Variants in RIT2 observed in about 807,000 individuals in gnomAD.
RIT2 encodes GTP-binding protein Rit2.
In RIT2, 24 loss-of-function variants were observed where a neutral mutation model predicts 23.7. The observed-to-expected ratio is 1.01, with a 90% CI of 0.73 to 1.43. The LOEUF is 1.43. Ranked by LOEUF, RIT2 falls within the 40% of genes most tolerant of loss-of-function variation. The pLI, the probability that RIT2 is intolerant of heterozygous loss-of-function variation, is 0.00. For missense variants in RIT2, 236 were observed against 266.9 expected, an observed-to-expected ratio of 0.88 and a Z score of 0.81; for synonymous variants, 107 against 91.1, an observed-to-expected ratio of 1.17 and a Z score of -0.99.
intron 1 of RIT2, among the ~76,000 whole-genome samples, chr18:43,070,760 T>C (rs1391304432): frequency 6.6e-6 from 1 of 152,212 alleles, no homozygotes; most frequent in African/African-American, 2.4e-5. Flanking sequence ...AGCAACCATC[T>C]TATAGAATGA....
intron 4 of RIT2, among the ~76,000 whole-genome samples, chr18:42,890,813 A>C (rs1033367260): frequency 1.3e-5 from 2 of 152,158 alleles, no homozygotes; most frequent in African/African-American, 4.8e-5. Context: ...AGATAAATCA[A>C]CTTACCTCTG....
intron 4 of RIT2, among the ~76,000 whole-genome samples, chr18:42,815,326 C>T (rs1280415901): frequency 6.6e-6 from 1 of 152,074 alleles, no homozygotes; most frequent in South Asian, 2.1e-4. Flanking sequence ...GCAAACTGCT[C>T]TGGAAAGTCT....
intron 4 of RIT2, among the ~76,000 whole-genome samples, chr18:42,875,039 A>G (rs1438896483): frequency 1.3e-5 from 2 of 152,086 alleles, no homozygotes; most frequent in Non-Finnish European, 2.9e-5. Flanking sequence ...AATAGTCAGC[A>G]TGTCATGGTG....
At chr18:42,984,389 G>T (rs1371128844) in intron 2 of RIT2, among the ~76,000 whole-genome samples, 1 of 151,970 alleles carries the variant, frequency 6.6e-6, no homozygotes, top group Non-Finnish European at 1.5e-5. Flanking sequence ...ACAGATTTGT[G>T]GGTGCCAGGA....
At chr18:42,868,897 A>C (rs1907543137) in intron 4 of RIT2, among the ~76,000 whole-genome samples, 1 of 152,178 alleles carries the variant, frequency 6.6e-6, no homozygotes, top group South Asian at 2.1e-4. Flanking sequence ...CAATTATAAA[A>C]CGTCTGTGAC....
intron 2 of RIT2, among the ~76,000 whole-genome samples, chr18:42,988,027 G>C (rs910441222): frequency 6.6e-6 from 1 of 152,098 alleles, no homozygotes. Context: ...ATGATATTTG[G>C]AAGGGACAAA....
At chr18:42,961,250 T>C (rs541145249) in intron 3 of RIT2, among the ~76,000 whole-genome samples, 1 of 152,348 alleles carries the variant, frequency 6.6e-6, no homozygotes, top group South Asian at 2.1e-4. Flanking sequence ...TGACACAAAT[T>C]CTACATTGTC....
chr18:42,936,773 A>G (rs906541226), intron 3 of RIT2, among the ~76,000 whole-genome samples: 5 of 152,114 alleles, frequency 3.3e-5, no homozygotes, highest in Non-Finnish European at 7.4e-5. Context: ...GCATTTTGGG[A>G]GGCTGAGGCG....
intron 4 of RIT2, among the ~76,000 whole-genome samples, chr18:42,790,292 A>G (rs1306788767): frequency 6.6e-6 from 1 of 152,158 alleles, no homozygotes; most frequent in Non-Finnish European, 1.5e-5. Flanking sequence ...TCCTATTCAA[A>G]TAACACCCGA....
At chr18:42,817,685 A>G (rs1010846569) in intron 4 of RIT2, among the ~76,000 whole-genome samples, 1 of 152,128 alleles carries the variant, frequency 6.6e-6, no homozygotes, top group African/African-American at 2.4e-5. Flanking sequence ...TTTAGGGCCA[A>G]TTAAATTTGG....
chr18:43,034,324 T>C (rs1440813477), intron 1 of RIT2, among the ~76,000 whole-genome samples: 1 of 152,182 alleles, frequency 6.6e-6, no homozygotes, highest in Non-Finnish European at 1.5e-5. Flanking sequence ...AGATATGTAA[T>C]TACATTATTT....
intron 4 of RIT2, among the ~76,000 whole-genome samples, chr18:42,829,775 AAAAT>A (rs1428836170): frequency 2.0e-5 from 3 of 152,204 alleles, no homozygotes; most frequent in African/African-American, 4.8e-5. Context: ...AATTAAAAAT[AAAAT>A]AAATAAGAGT....
intron 1 of RIT2, among the ~76,000 whole-genome samples, chr18:43,102,158 C>T (rs1913699068): frequency 6.6e-6 from 1 of 152,078 alleles, no homozygotes; most frequent in South Asian, 2.1e-4. Context: ...CTTAGGATTT[C>T]CTCTTATCAA....
chr18:42,917,664 C>T (rs1313853081), intron 4 of RIT2, among the ~76,000 whole-genome samples: 1 of 152,064 alleles, frequency 6.6e-6, no homozygotes, highest in Admixed American at 6.6e-5. Flanking sequence ...AATTGTTGTT[C>T]AAACTTAAAT....
chr18:43,063,219 C>G (rs1912692467), intron 1 of RIT2, among the ~76,000 whole-genome samples: 1 of 151,986 alleles, frequency 6.6e-6, no homozygotes, highest in African/African-American at 2.4e-5. Context: ...ATTATATTGT[C>G]AATTTATCTT....
intron 4 of RIT2, among the ~76,000 whole-genome samples, chr18:42,844,560 T>G (rs1003081908): frequency 6.6e-6 from 1 of 152,046 alleles, no homozygotes. Context: ...TTCCCTGAAG[T>G]CATGCTGTCT....
chr18:43,078,742 G>A (rs1158296078), intron 1 of RIT2, among the ~76,000 whole-genome samples: 1 of 152,164 alleles, frequency 6.6e-6, no homozygotes, highest in African/African-American at 2.4e-5. Flanking sequence ...TGGAGCTTTG[G>A]ACCCAGGAGA....
At chr18:43,009,226 C>T (rs868164181) in intron 2 of RIT2, among the ~76,000 whole-genome samples, 9 of 151,606 alleles carry the variant, frequency 5.9e-5, no homozygotes, top group South Asian at 2.1e-4. Context: ...TAAATATACA[C>T]GTCAGTCACA....
intron 1 of RIT2, among the ~76,000 whole-genome samples, chr18:43,071,157 C>T (rs1356970592): frequency 5.3e-5 from 8 of 152,052 alleles, no homozygotes; most frequent in African/African-American, 1.2e-4. Context: ...TTTTTAATTG[C>T]GAGGTTTGCT....
Sources: gnomAD v4.1 joint callset for allele counts (sites outside exome capture counted in the v4.1 genomes callset) on GRCh38, gnomAD v4.1.1 for gene constraint, MANE v1.5 for transcripts, NCBI Gene and HGNC (gene_info 2026-07-23, HGNC 2026-07-21) for gene names.